SPIRE1: variants seen among roughly 807,000 people sequenced by gnomAD.
SPIRE1 encodes the protein spire type actin nucleation factor 1.
Under a neutral mutation model 94.1 loss-of-function variants are expected in SPIRE1, and 40 were observed. That is an observed-to-expected ratio of 0.43 (90% CI 0.33 to 0.55). SPIRE1 has a LOEUF of 0.55. Among genes scored for constraint, SPIRE1 ranks in the 20% least tolerant of loss-of-function variants. The pLI, the probability that SPIRE1 is intolerant of heterozygous loss-of-function variation, is 0.06. For synonymous variants in SPIRE1, 376 were observed against 371.7 expected, an observed-to-expected ratio of 1.01 and a Z score of -0.13; for missense variants, 838 against 975.2, an observed-to-expected ratio of 0.86 and a Z score of 1.87.
intron 2 of SPIRE1, among the ~76,000 whole-genome samples, chr18:12,593,394 A>C (rs28527375): frequency 0.081 from 12,385 of 152,308 alleles, 638 homozygotes; most frequent in Middle Eastern, 0.16. Context: ...ATTTTTAAAC[A>C]TTTTATGTTC....
upstream of SPIRE1, chr18:12,662,021 T>A (rs189901549): frequency 6.6e-5 from 18 of 273,356 alleles, no homozygotes; most frequent in Non-Finnish European, 1.2e-4. Flanking sequence ...TATATTTACT[T>A]CTTATTCTTG....
chr18:12,490,028 G>GTA (rs1305055616), intron 8 of SPIRE1, among the ~76,000 whole-genome samples: 10 of 152,108 alleles, frequency 6.6e-5, no homozygotes, highest in African/African-American at 1.9e-4. Context: ...AAGCAAAACT[G>GTA]TATAGTAAGA....
At chr18:12,503,375 C>A (rs1319774144) in intron 6 of SPIRE1, among the ~76,000 whole-genome samples, 1 of 152,198 alleles carries the variant, frequency 6.6e-6, no homozygotes, top group African/African-American at 2.4e-5. Flanking sequence ...GCTGTGCCTC[C>A]ATTTCCCCTG....
rs1202959789 is a variant in SPIRE1, at chr18:12,657,637, TGGC to T, written c.227_229del (p.Arg76del). ...GGCCGAGCGCACACGGTGGCGGGGC[TGGC>T]GGCGGCGGGCGGCGGCGCGCAGGGA... On this transcript the variant is annotated inframe_deletion, in exon 1 of 17. Coordinates refer to ENST00000409402, the MANE Select transcript of SPIRE1 (RefSeq NM_001128626.2). The T allele has an allele frequency of 2.5e-5, 33 of 1,316,066 alleles. No individual in the cohort carries two copies. The highest frequency in any genetic ancestry group is 2.4e-4 in the South Asian group (11 of 45,326). The allele number at this position is 1,316,066 out of a possible 1,614,324, so 81.5% of individuals were successfully genotyped here.
intron 5 of SPIRE1, 149 bp from the exon 6 acceptor site, chr18:12,506,790 T>C (rs2033850668): frequency 1.3e-6 from 1 of 787,714 alleles, no homozygotes; most frequent in Non-Finnish European, 2.0e-6. Flanking sequence ...TTTTGGGTAC[T>C]AAAAGATGGG....
At chr18:12,470,659 A>G (rs1409387575) in intron 10 of SPIRE1, among the ~76,000 whole-genome samples, 1 of 152,204 alleles carries the variant, frequency 6.6e-6, no homozygotes. Flanking sequence ...ATGCATGTGC[A>G]TGTACAGACT....
chr18:12,541,484 T>C (rs576795228), intron 3 of SPIRE1, among the ~76,000 whole-genome samples: 1 of 152,350 alleles, frequency 6.6e-6, no homozygotes, highest in South Asian at 2.1e-4. Context: ...AATGCTACTG[T>C]TACAGGCTAT....
chr18:12,492,955 T>G, intron 8 of SPIRE1, 117 bp downstream of exon 8: 122 of 1,182,960 alleles, frequency 1.0e-4, no homozygotes, highest in Non-Finnish European at 1.3e-4. Context: ...AACAAGTGAG[T>G]GAGATACAGA....
At chr18:12,661,697 C>G (rs985315754), upstream of SPIRE1, 1 of 152,472 alleles carries the variant, frequency 6.6e-6, no homozygotes, top group East Asian at 1.9e-4. Context: ...ATCGCTTGAA[C>G]CCAGGAAGTG....
At chr18:12,463,764 G>A (rs2031975063) in intron 11 of SPIRE1, among the ~76,000 whole-genome samples, 1 of 152,088 alleles carries the variant, frequency 6.6e-6, no homozygotes, top group African/African-American at 2.4e-5. Flanking sequence ...AATTCTCAAT[G>A]TACCCTCTTT....
upstream of SPIRE1, among the ~76,000 whole-genome samples, chr18:12,659,989 G>T (rs1229064385): frequency 6.6e-6 from 1 of 152,042 alleles, no homozygotes; most frequent in African/African-American, 2.4e-5. Context: ...AAAATATTTT[G>T]AACAATCCAG....
intron 5 of SPIRE1, among the ~76,000 whole-genome samples, chr18:12,508,275 T>C (rs976287078): frequency 3.3e-5 from 5 of 152,168 alleles, no homozygotes; most frequent in African/African-American, 1.2e-4. Context: ...CAAAACATCC[T>C]CAATAACGAT....
chr18:12,450,284 G>A (rs969126795), intron 16 of SPIRE1, among the ~76,000 whole-genome samples: 2 of 152,036 alleles, frequency 1.3e-5, no homozygotes, highest in Non-Finnish European at 2.9e-5. Context: ...GCTTGAACCC[G>A]GGAGGTGAAG....
intron 2 of SPIRE1, among the ~76,000 whole-genome samples, chr18:12,594,648 C>CT (rs1486611895): frequency 6.6e-5 from 10 of 152,134 alleles, no homozygotes; most frequent in Non-Finnish European, 1.3e-4. Flanking sequence ...TTTGCTTTTG[C>CT]TTATCTTTAT....
intron 4 of SPIRE1, among the ~76,000 whole-genome samples, chr18:12,530,081 C>T (rs972212748): frequency 1.3e-5 from 2 of 152,148 alleles, no homozygotes; most frequent in African/African-American, 4.8e-5. Flanking sequence ...AAAAGGCCTA[C>T]AGCATCCTCA....
In SPIRE1 at chr18:12,520,558, C is replaced by G. The variant is rs572424246; in HGVS notation, c.730-8027G>C. Among the ~76,000 whole-genome samples, 14 of 152,118 alleles carry G rather than the reference C, an allele frequency of 9.2e-5. No homozygotes were observed. In the South Asian group the frequency reaches 2.9e-3, roughly 32 times the overall value. ...CTCGGCATGTTACCAACACTCAAAA[C>G]AAAAATAACAAATCAAACAGAAAAA... On this transcript the variant is annotated intron_variant, in intron 4 of 16. Transcript: ENST00000409402.
chr18:12,562,452 A>C (rs77099203), intron 2 of SPIRE1, among the ~76,000 whole-genome samples: 12,891 of 151,018 alleles, frequency 0.085, 792 homozygotes, highest in Non-Finnish European at 0.13. Flanking sequence ...CACCTGACTA[A>C]ATTTATTTTA....
chr18:12,650,586 T>C (rs2038352325), intron 1 of SPIRE1, among the ~76,000 whole-genome samples: 1 of 151,770 alleles, frequency 6.6e-6, no homozygotes. Context: ...GGCACGTGCC[T>C]GTAGTCCCAG....
chr18:12,506,905 T>C (rs1434324639), intron 5 of SPIRE1, among the ~76,000 whole-genome samples: 10 of 152,212 alleles, frequency 6.6e-5, no homozygotes, highest in Admixed American at 6.5e-4. Flanking sequence ...AGGTTCTTCA[T>C]GCTTTCCTGT....
Sources: gnomAD v4.1 joint callset for allele counts (sites outside exome capture counted in the v4.1 genomes callset) on GRCh38, gnomAD v4.1.1 for gene constraint, MANE v1.5 for transcripts, NCBI Gene and HGNC (gene_info 2026-07-23, HGNC 2026-07-21) for gene names.